CTNNA2: variants seen among roughly 807,000 people sequenced by gnomAD.
CTNNA2 encodes catenin alpha-2.
CTNNA2 carries 42 observed loss-of-function variants against 101.0 expected under a neutral mutation model. The ratio of observed to expected loss-of-function variants is 0.42; its 90% CI spans 0.32 to 0.54. CTNNA2 has a LOEUF of 0.54. Among genes scored for constraint, CTNNA2 ranks in the 20% least tolerant of loss-of-function variants. The pLI is 0.14. For missense variants in CTNNA2, 871 were observed against 1,223.1 expected (o/e 0.71, Z 4.29); for synonymous variants, 450 against 456.4 (o/e 0.99, Z 0.18).
chr2:79,246,135 C>G (rs1447408525), intron 2 of CTNNA2, among the ~76,000 whole-genome samples: 2 of 152,194 alleles, frequency 1.3e-5, no homozygotes, highest in African/African-American at 4.8e-5. Flanking sequence ...AAATATGAAT[C>G]TAGGGTCCTA....
At chr2:79,224,532 A>G (rs1489416395) in intron 2 of CTNNA2, among the ~76,000 whole-genome samples, 2 of 152,142 alleles carry the variant, frequency 1.3e-5, no homozygotes, top group Non-Finnish European at 2.9e-5. Context: ...TTGCAGACAT[A>G]TATACAAATA....
At chr2:80,598,711 A>G (rs1293322238) in intron 15 of CTNNA2, among the ~76,000 whole-genome samples, 1 of 152,194 alleles carries the variant, frequency 6.6e-6, no homozygotes, top group Non-Finnish European at 1.5e-5. Context: ...CTCAGCAATA[A>G]AAATGCATGC....
chr2:79,202,348 T>TTTTA (rs370225290), intron 2 of CTNNA2, among the ~76,000 whole-genome samples: 17,780 of 151,522 alleles, frequency 0.12, 1,079 homozygotes, highest in Middle Eastern at 0.19. Flanking sequence ...TTTTTTATTT[T>TTTTA]TTTTATTTTT....
rs151124907 is a variant in CTNNA2, at chr2:79,944,019, G to A, written c.1056+34222G>A. Reference sequence around the variant, plus strand: ...AATATGCCAATTTTTCTTCCCTTGTGTCTGTTTCTAAATGAGAATGCTGCA... The same window carrying A: ...AATATGCCAATTTTTCTTCCCTTGTATCTGTTTCTAAATGAGAATGCTGCA... On this transcript the variant is annotated intron_variant, in intron 7 of 18. Transcript: ENST00000402739. Among the ~76,000 whole-genome samples the A allele has an allele frequency of 2.5e-3, 375 of 152,246 alleles. 2 individuals carry two copies. The highest frequency in any genetic ancestry group is 8.6e-3 in the African/African-American group (357 of 41,554).
chr2:79,522,265 T>C (rs1270986087), intron 1 of CTNNA2, among the ~76,000 whole-genome samples: 1 of 152,196 alleles, frequency 6.6e-6, no homozygotes, highest in Non-Finnish European at 1.5e-5. Context: ...CTGAACTCGC[T>C]CCATCTTCAA....
intron 4 of CTNNA2, among the ~76,000 whole-genome samples, chr2:79,404,765 T>A (rs376836002): frequency 7.2e-5 from 11 of 152,076 alleles, no homozygotes; most frequent in African/African-American, 2.4e-4. Context: ...TTGGGCTCAG[T>A]GGAAATGTCA....
intron 8 of CTNNA2, among the ~76,000 whole-genome samples, chr2:80,397,313 C>T (rs997381217): frequency 6.6e-6 from 1 of 152,186 alleles, no homozygotes; most frequent in Non-Finnish European, 1.5e-5. Flanking sequence ...GTATTGACCA[C>T]ATTTAATCCA....
intron 2 of CTNNA2, among the ~76,000 whole-genome samples, chr2:79,229,968 T>C (rs1674468741): frequency 6.6e-6 from 1 of 152,182 alleles, no homozygotes; most frequent in African/African-American, 2.4e-5. Context: ...GCAGAAGAAA[T>C]TTCTAAACAG....
intron 9 of CTNNA2, among the ~76,000 whole-genome samples, chr2:80,525,612 A>G (rs1052709497): frequency 3.3e-5 from 5 of 152,052 alleles, no homozygotes; most frequent in Non-Finnish European, 5.9e-5. Context: ...CCTCAATATC[A>G]AATGTTTGCT....
At chr2:80,376,203 C>G (rs992105222) in intron 7 of CTNNA2, among the ~76,000 whole-genome samples, 1 of 151,924 alleles carries the variant, frequency 6.6e-6, no homozygotes. Flanking sequence ...TCCTAAATTC[C>G]TAATGAACTG....
chr2:79,988,466 A>ATATG (rs1691923537), intron 7 of CTNNA2, among the ~76,000 whole-genome samples: 1 of 149,026 alleles, frequency 6.7e-6, no homozygotes, highest in Admixed American at 6.7e-5. Flanking sequence ...GTGTATGTGT[A>ATATG]TGTGTGTGTG....
At chr2:79,217,235 C>T (rs539200247) in intron 2 of CTNNA2, among the ~76,000 whole-genome samples, 34 of 152,208 alleles carry the variant, frequency 2.2e-4, no homozygotes, top group Non-Finnish European at 4.4e-4. Context: ...ATCTTTTTCA[C>T]GGAGCAAAGA....
intron 1 of CTNNA2, among the ~76,000 whole-genome samples, chr2:79,590,609 G>A (rs1465091112): frequency 2.0e-5 from 3 of 151,552 alleles, no homozygotes; most frequent in Admixed American, 1.3e-4. Flanking sequence ...TTACGCTTTC[G>A]TCCTTTATTA....
chr2:80,079,553 G>T (rs1174415594), intron 7 of CTNNA2, among the ~76,000 whole-genome samples: 6 of 152,128 alleles, frequency 3.9e-5, no homozygotes, highest in Admixed American at 2.6e-4. Context: ...AGTGGCTCAC[G>T]CCCGCAGTCC....
chr2:80,044,592 G>T, intron 7 of CTNNA2, among the ~76,000 whole-genome samples: 1 of 151,896 alleles, frequency 6.6e-6, no homozygotes, highest in East Asian at 1.9e-4. Flanking sequence ...CCTCTCCTGG[G>T]GTGCATTCCC....
At chr2:80,165,301 T>G (rs1479573751) in intron 7 of CTNNA2, among the ~76,000 whole-genome samples, 1 of 146,774 alleles carries the variant, frequency 6.8e-6, no homozygotes, top group East Asian at 1.9e-4. Context: ...TTTCTTTCCT[T>G]TTTTTTTTAA....
intron 9 of CTNNA2, among the ~76,000 whole-genome samples, chr2:80,428,784 T>C (rs1274471456): frequency 6.6e-6 from 1 of 152,144 alleles, no homozygotes; most frequent in Admixed American, 6.6e-5. Flanking sequence ...ATGATGATCA[T>C]GCCACTGCAC....
chr2:79,387,917 G>C (rs1312062051), intron 4 of CTNNA2, among the ~76,000 whole-genome samples: 3 of 152,112 alleles, frequency 2.0e-5, no homozygotes, highest in African/African-American at 7.2e-5. Flanking sequence ...AGAATATAAG[G>C]AACTAATATA....
chr2:79,485,190 T>C (rs1290178361), intron 4 of CTNNA2, among the ~76,000 whole-genome samples: 1 of 152,084 alleles, frequency 6.6e-6, no homozygotes, highest in Non-Finnish European at 1.5e-5. Context: ...TAAATTTTCT[T>C]CCTATGATCA....
Sources: allele counts gnomAD v4.1 joint callset (sites outside exome capture counted in the v4.1 genomes callset), GRCh38; gene constraint gnomAD v4.1.1; transcripts MANE v1.5; gene names NCBI Gene and HGNC (gene_info 2026-07-23, HGNC 2026-07-21).